The following USH2A variants were observed in gnomAD, a reference collection of about 807,000 sequenced individuals.
The protein encoded by USH2A is usherin, also known as Usher syndrome 2A (autosomal recessive, mild).
A neutral mutation model predicts 538.9 loss-of-function variants in USH2A; 443 were observed. That is an observed-to-expected ratio of 0.82 (90% CI 0.76 to 0.89). USH2A has a LOEUF of 0.89. Ranked by LOEUF, USH2A falls within the 40% of genes least tolerant of loss-of-function variation. USH2A has a pLI of 0.00. For missense variants in USH2A, 6,633 were observed against 6,324.8 expected, an observed-to-expected ratio of 1.05 and a Z score of -1.65; for synonymous variants, 2,413 against 2,273.5, an observed-to-expected ratio of 1.06 and a Z score of -1.75.
At chr1:216,248,736 T>G (rs1260086031) in intron 12 of USH2A, among the ~76,000 whole-genome samples, 2 of 152,114 alleles carry the variant, frequency 1.3e-5, no homozygotes, top group African/African-American at 4.8e-5. Flanking sequence ...AAAATTGGTC[T>G]ACATGGATTC....
intron 3 of USH2A, among the ~76,000 whole-genome samples, chr1:216,390,888 A>AG (rs34479053): frequency 1.3e-5 from 2 of 152,214 alleles, no homozygotes; most frequent in East Asian, 3.8e-4. Flanking sequence ...TTAAAACTGG[A>AG]GGGGTGCAAG....
rs999688860 is a variant in USH2A at position 215,632,582 on chromosome 1, A to G, written c.15297+1877T>C. Among the ~76,000 whole-genome samples, 10 of 152,298 alleles carry G rather than the reference A, an allele frequency of 6.6e-5. 1 individual carries two copies. The highest frequency in any genetic ancestry group is 7.4e-5 in the Non-Finnish European group (5 of 68,024). On this transcript the variant is annotated intron_variant, in intron 70 of 71. Transcript: ENST00000307340. ...TTCTGGACATTGCTGGTATGTGGGTACACTTTCCTGTAACCGCACCTCACA... is the reference window on the plus strand; with the variant it reads ...TTCTGGACATTGCTGGTATGTGGGTGCACTTTCCTGTAACCGCACCTCACA...
chr1:216,027,198 C>T (rs964156914), intron 32 of USH2A, among the ~76,000 whole-genome samples: 3 of 152,048 alleles, frequency 2.0e-5, no homozygotes, highest in Non-Finnish European at 4.4e-5. Context: ...TTATGATGAG[C>T]CTTAATTCAA....
rs530311895 is a variant in USH2A, at chr1:215,749,558, C to A, written c.11390-6223G>T. On this transcript the variant is annotated intron_variant, in intron 58 of 71. Coordinates refer to ENST00000307340, the MANE Select transcript of USH2A (RefSeq NM_206933.4). ...GAAAGTCTCTGGTGTTCCTACAAAC[C>A]CTATACCATCTGCAATGAGTCTGAA... 4.6e-5 allele frequency among the ~76,000 whole-genome samples: 7 copies of A among 152,246 alleles called. No individual in the cohort carries two copies. In the South Asian group the frequency reaches 6.2e-4, roughly 14 times the overall value.
chr1:216,037,625 G>A (rs1163038672), intron 32 of USH2A, among the ~76,000 whole-genome samples: 1 of 152,048 alleles, frequency 6.6e-6, no homozygotes, highest in Non-Finnish European at 1.5e-5. Flanking sequence ...GCTCTTGTCT[G>A]TAGCTGATCT....
chr1:216,212,223 T>C (rs1426244008), intron 15 of USH2A, among the ~76,000 whole-genome samples: 2 of 152,194 alleles, frequency 1.3e-5, no homozygotes, highest in Non-Finnish European at 2.9e-5. Flanking sequence ...TTTAAGCTGA[T>C]TACTTGCTAT....
At chr1:215,991,725 T>C (rs1668008484) in intron 35 of USH2A, among the ~76,000 whole-genome samples, 1 of 152,236 alleles carries the variant, frequency 6.6e-6, no homozygotes, top group African/African-American at 2.4e-5. Flanking sequence ...AATGTTTCCC[T>C]GAACAGCTGA....
At chr1:216,351,730 C>T (rs551701375) in intron 4 of USH2A, among the ~76,000 whole-genome samples, 78 of 152,094 alleles carry the variant, frequency 5.1e-4, no homozygotes, top group African/African-American at 1.7e-3. Flanking sequence ...GCAGTAATCC[C>T]GGCAAAGCAG....
chr1:216,190,484 C>T (rs1004462864), intron 19 of USH2A, 117 bp from the exon 20 acceptor site: 37 of 1,359,518 alleles, frequency 2.7e-5, no homozygotes, highest in South Asian at 1.3e-4. Context: ...TTGCCAACCA[C>T]CATTAGGAAA....
chr1:215,743,351 G>C lies in USH2A; in HGVS notation c.11390-16C>G, dbSNP rs748776502. 1.3e-6 allele frequency: 2 copies of C among 1,548,036 alleles called. No individual in the cohort carries two copies. Among genetic ancestry groups the C allele is most frequent in the Non-Finnish European group, 8.8e-7 (1 of 1,137,276 alleles). ...ATGAGGATCCCTTTAAAGAGAGAGA[G>C]AGAGAGAGAACATTAAAAACATATA... is the stretch of plus-strand genomic sequence containing the variant. On this transcript the variant is annotated splice_polypyrimidine_tract_variant and intron_variant, in intron 58 of 71. Transcript: ENST00000307340.
intron 21 of USH2A, among the ~76,000 whole-genome samples, chr1:216,101,551 A>G (rs1001543304): frequency 5.9e-5 from 9 of 152,312 alleles, no homozygotes; most frequent in African/African-American, 1.7e-4. Flanking sequence ...ATGTGTTATC[A>G]TCCTGGGCCC....
At chr1:216,180,542 A>G (rs2034473039) in intron 20 of USH2A, among the ~76,000 whole-genome samples, 1 of 152,084 alleles carries the variant, frequency 6.6e-6, no homozygotes, top group Non-Finnish European at 1.5e-5. Context: ...TTTGAGCACC[A>G]TAGGATAAGA....
chr1:216,153,681 C>G (rs891633652), intron 21 of USH2A, among the ~76,000 whole-genome samples: 72 of 152,156 alleles, frequency 4.7e-4, no homozygotes, highest in African/African-American at 1.7e-3. Context: ...CATACATGCC[C>G]ACAAAACAGA....
intron 38 of USH2A, among the ~76,000 whole-genome samples, chr1:215,929,536 G>A (rs921289721): frequency 1.2e-4 from 19 of 152,034 alleles, no homozygotes; most frequent in Non-Finnish European, 1.3e-4. Context: ...TGCAGTCTAT[G>A]TGAAAGACAG....
chr1:215,915,447 G>A lies in USH2A; in HGVS notation c.7301-14542C>T, dbSNP rs182409468. Among the ~76,000 whole-genome samples, 12 of 152,164 alleles carry A rather than the reference G, an allele frequency of 7.9e-5. No individual in the cohort carries two copies. The East Asian group carries it at 1.7e-3, about 22-fold the overall frequency. On this transcript the variant is annotated intron_variant, in intron 38 of 71. Transcript: ENST00000307340. ...ACAAATGTGTCGTTTAAATTTTGAG[G>A]AGGATTTTTTGGAGTAGAGGTTTGA...
chr1:215,776,430 G>A (rs1045946503), intron 55 of USH2A, among the ~76,000 whole-genome samples: 2 of 152,070 alleles, frequency 1.3e-5, no homozygotes, highest in Non-Finnish European at 2.9e-5. Flanking sequence ...TTCACATGAT[G>A]AGTGCATTCG....
intron 21 of USH2A, among the ~76,000 whole-genome samples, chr1:216,115,721 C>T (rs301732): frequency 0.94 from 143,051 of 151,948 alleles, 67,437 homozygotes; most frequent in African/African-American, 0.98. Flanking sequence ...AGATGAAATA[C>T]ATTTCATCTA....
chr1:216,029,635 G>A (rs1012579788), intron 32 of USH2A, among the ~76,000 whole-genome samples: 2 of 151,938 alleles, frequency 1.3e-5, no homozygotes, highest in Admixed American at 1.3e-4. Context: ...AGATAAAACA[G>A]TGTACAAACC....
chr1:216,172,066 G>T (rs2034285549), intron 21 of USH2A, among the ~76,000 whole-genome samples: 1 of 151,946 alleles, frequency 6.6e-6, no homozygotes, highest in Non-Finnish European at 1.5e-5. Context: ...ACAGTATTAA[G>T]CTTGGTAATT....
Sources: allele counts gnomAD v4.1 joint callset (sites outside exome capture counted in the v4.1 genomes callset), GRCh38; gene constraint gnomAD v4.1.1; transcripts MANE v1.5; gene names NCBI Gene and HGNC (gene_info 2026-07-23, HGNC 2026-07-21).